SLC25A21: variants seen among roughly 807,000 people sequenced by gnomAD.
The protein encoded by SLC25A21 is solute carrier family 25 member 21, also known as mitochondrial 2-oxodicarboxylate carrier.
SLC25A21 carries 47 observed loss-of-function variants against 43.8 expected under a neutral mutation model. That is an observed-to-expected ratio of 1.07 (90% CI 0.85 to 1.37). The LOEUF (loss-of-function observed/expected upper bound fraction) is 1.37. SLC25A21 is among the 40% of genes most tolerant of loss of function. The probability of loss-of-function intolerance (pLI) is 0.00; values close to 1 mark genes in which losing one functional copy is unlikely to be tolerated. For missense variants in SLC25A21, 352 were observed against 350.2 expected (o/e 1.00, Z -0.04); for synonymous variants, 131 against 121.3 (o/e 1.08, Z -0.52).
chr14:37,031,324 T>C (rs1186582628), intron 1 of SLC25A21, among the ~76,000 whole-genome samples: 1 of 152,194 alleles, frequency 6.6e-6, no homozygotes, highest in Admixed American at 6.5e-5. Context: ...AAGCCTTTCA[T>C]GAAAAAATTT....
intron 1 of SLC25A21, among the ~76,000 whole-genome samples, chr14:37,074,125 C>CCATA (rs1038511117): frequency 3.9e-5 from 6 of 151,916 alleles, no homozygotes; most frequent in Admixed American, 2.0e-4. Flanking sequence ...AGCTATTATT[C>CCATA]CATACATACA....
intron 2 of SLC25A21, among the ~76,000 whole-genome samples, chr14:36,861,869 C>T (rs192321753): frequency 6.6e-6 from 1 of 152,122 alleles, no homozygotes; most frequent in East Asian, 1.9e-4. Context: ...AGGAGATTAT[C>T]CATCTGAAAA....
At chr14:36,810,742 A>G (rs11627419) in intron 3 of SLC25A21, among the ~76,000 whole-genome samples, 19,604 of 152,162 alleles carry the variant, frequency 0.13, 1,379 homozygotes, top group African/African-American at 0.17. Flanking sequence ...AGTGCCAGAC[A>G]CAAGTATAAG....
intron 4 of SLC25A21, among the ~76,000 whole-genome samples, chr14:36,732,505 T>A (rs1050836791): frequency 2.4e-4 from 36 of 152,108 alleles, no homozygotes; most frequent in Admixed American, 2.0e-3. Flanking sequence ...AAAGGAGAAA[T>A]TTCATTTATT....
At chr14:36,723,019 C>A (rs979072667) in intron 6 of SLC25A21, among the ~76,000 whole-genome samples, 1 of 152,072 alleles carries the variant, frequency 6.6e-6, no homozygotes, top group Admixed American at 6.5e-5. Flanking sequence ...GTGAGCATAC[C>A]TAATATTTGA....
At chr14:36,745,286 T>C (rs1323492964) in intron 3 of SLC25A21, among the ~76,000 whole-genome samples, 1 of 152,164 alleles carries the variant, frequency 6.6e-6, no homozygotes, top group African/African-American at 2.4e-5. Flanking sequence ...CTATTGTGAA[T>C]AGTGCCACAA....
At chr14:37,084,283 G>A (rs1328557309) in intron 1 of SLC25A21, among the ~76,000 whole-genome samples, 1 of 152,112 alleles carries the variant, frequency 6.6e-6, no homozygotes, top group African/African-American at 2.4e-5. Flanking sequence ...TAGCATTTCT[G>A]TTCCCTCTTG....
intron 1 of SLC25A21, among the ~76,000 whole-genome samples, chr14:37,106,739 C>T (rs1962920786): frequency 1.0e-5 from 1 of 98,268 alleles, no homozygotes; most frequent in South Asian, 5.5e-4. Flanking sequence ...CTTACACCCC[C>T]TCCCCTTTTG....
chr14:36,843,823 G>A (rs1046899191), intron 2 of SLC25A21, among the ~76,000 whole-genome samples: 4 of 152,062 alleles, frequency 2.6e-5, no homozygotes, highest in East Asian at 1.9e-4. Context: ...CCCAATAAAC[G>A]TGCTTTGTAG....
At chr14:37,040,858 T>C (rs915079749) in intron 1 of SLC25A21, among the ~76,000 whole-genome samples, 1 of 151,766 alleles carries the variant, frequency 6.6e-6, no homozygotes, top group African/African-American at 2.4e-5. Context: ...ATTTCCATGT[T>C]TGAGGCTTGA....
chr14:36,894,723 T>C (rs1891186703), intron 1 of SLC25A21, among the ~76,000 whole-genome samples: 1 of 152,204 alleles, frequency 6.6e-6, no homozygotes, highest in Non-Finnish European at 1.5e-5. Flanking sequence ...CATCAATACC[T>C]AATTTATTGA....
chr14:37,051,111 T>C (rs1448990266), intron 1 of SLC25A21, among the ~76,000 whole-genome samples: 1 of 152,228 alleles, frequency 6.6e-6, no homozygotes, highest in Non-Finnish European at 1.5e-5. Flanking sequence ...TCTCCAATTG[T>C]ATATAAGCTC....
At chr14:36,910,622 T>C (rs1260392105) in intron 1 of SLC25A21, among the ~76,000 whole-genome samples, 1 of 152,188 alleles carries the variant, frequency 6.6e-6, no homozygotes, top group African/African-American at 2.4e-5. Context: ...TTGAGGTTAT[T>C]ACCTGGGGGA....
At chr14:36,858,815 T>A (rs1030031940) in intron 2 of SLC25A21, among the ~76,000 whole-genome samples, 1 of 152,194 alleles carries the variant, frequency 6.6e-6, no homozygotes, top group Non-Finnish European at 1.5e-5. Flanking sequence ...AATCAAAATA[T>A]AAAACAATAG....
intron 1 of SLC25A21, among the ~76,000 whole-genome samples, chr14:37,143,344 C>G (rs1283758851): frequency 6.6e-6 from 1 of 152,232 alleles, no homozygotes; most frequent in African/African-American, 2.4e-5. Flanking sequence ...CCTTTCTGCA[C>G]TGCACATTCC....
intron 1 of SLC25A21, among the ~76,000 whole-genome samples, chr14:37,125,444 C>T (rs1594805504): frequency 6.6e-6 from 1 of 152,080 alleles, no homozygotes; most frequent in Admixed American, 6.6e-5. Flanking sequence ...TAAAACAAGG[C>T]AGGTGGAATA....
intron 1 of SLC25A21, among the ~76,000 whole-genome samples, chr14:37,037,494 T>C (rs921965059): frequency 1.4e-4 from 22 of 152,222 alleles, no homozygotes; most frequent in African/African-American, 5.3e-4. Flanking sequence ...AAGCCATTAC[T>C]TGAAATTTAT....
intron 1 of SLC25A21, among the ~76,000 whole-genome samples, chr14:36,917,264 T>TTCAC (rs1891855746): frequency 6.6e-6 from 1 of 152,098 alleles, no homozygotes; most frequent in African/African-American, 2.4e-5. Context: ...ACCCCTACCC[T>TTCAC]GGCCTCTTTC....
chr14:37,128,538 C>CTGTGTGTGTGTGTGTGTG (rs367948974), intron 1 of SLC25A21, among the ~76,000 whole-genome samples: 55 of 122,792 alleles, frequency 4.5e-4, no homozygotes, highest in Non-Finnish European at 6.4e-4. Context: ...CTCTCTCTCT[C>CTGTGTGTGTGTGTGTGTG]TGTGTGTGTG....
Sources: gnomAD v4.1 joint callset for allele counts (sites outside exome capture counted in the v4.1 genomes callset) on GRCh38, gnomAD v4.1.1 for gene constraint, MANE v1.5 for transcripts, NCBI Gene and HGNC (gene_info 2026-07-23, HGNC 2026-07-21) for gene names.